The following MMD2 variants were observed in gnomAD, a reference collection of about 807,000 sequenced individuals.
MMD2 encodes the protein monocyte to macrophage differentiation factor 2.
A neutral mutation model predicts 33.5 loss-of-function variants in MMD2; 30 were observed. The ratio of observed to expected loss-of-function variants is 0.90; its 90% confidence interval spans 0.67 to 1.22. MMD2 has a LOEUF of 1.22. Among genes scored for constraint, MMD2 ranks in the 50% most tolerant of loss-of-function variants. The pLI is 0.00. For missense variants in MMD2, 364 were observed against 325.4 expected, an observed-to-expected ratio of 1.12 and a Z score of -0.91; for synonymous variants, 129 against 123.0, an observed-to-expected ratio of 1.05 and a Z score of -0.32.
At chr7:4,905,501 G>T (rs950116332), downstream of MMD2, among the ~76,000 whole-genome samples, 1 of 151,708 alleles carries the variant, frequency 6.6e-6, no homozygotes, top group African/African-American at 2.4e-5. This position sits in a 1 kb window ranked among gnomAD's most constrained non-coding sequence, Gnocchi z 5.0. Context: ...AGAGGAGGAG[G>T]AAAGAAGGAA....
chr7:4,947,584 G>A (rs574424313), intron 1 of MMD2, among the ~76,000 whole-genome samples: 209 of 150,888 alleles, frequency 1.4e-3, no homozygotes, highest in African/African-American at 4.9e-3. Context: ...TAGTAGAGAC[G>A]GGGTTTCACC....
At chr7:4,918,439 A>T (rs1195177022) in intron 3 of MMD2, among the ~76,000 whole-genome samples, 1 of 151,384 alleles carries the variant, frequency 6.6e-6, no homozygotes, top group East Asian at 1.9e-4. Flanking sequence ...CTGCTATGCA[A>T]CCTTGAGCAA....
chr7:4,933,519 G>C (rs946711894), intron 1 of MMD2, among the ~76,000 whole-genome samples: 1 of 152,090 alleles, frequency 6.6e-6, no homozygotes, highest in Non-Finnish European at 1.5e-5. Context: ...TGTTGGGCAG[G>C]GAGCATCTGA....
intron 4 of MMD2, among the ~76,000 whole-genome samples, chr7:4,911,460 C>T (rs940154842): frequency 7.2e-5 from 11 of 152,070 alleles, no homozygotes; most frequent in African/African-American, 2.4e-4. Context: ...GGAAAATTAG[C>T]AAAATTGATA....
chr7:4,944,760 C>CTTTTTTTTTTTTTTTTTTTTTTT (rs142716643), intron 1 of MMD2, among the ~76,000 whole-genome samples: 1 of 75,276 alleles, frequency 1.3e-5, no homozygotes, highest in African/African-American at 5.8e-5. Context: ...TCTTCTTCTT[C>CTTTTTTTTTTTTTTTTTTTTTTT]TTTTTTTTTT....
At chr7:4,910,401 C>G (rs1231422612) in intron 5 of MMD2, among the ~76,000 whole-genome samples, 1 of 152,116 alleles carries the variant, frequency 6.6e-6, no homozygotes, top group Non-Finnish European at 1.5e-5. Flanking sequence ...TTCCTGGGCT[C>G]TGAGACTGCA....
intron 2 of MMD2, among the ~76,000 whole-genome samples, chr7:4,923,981 A>T (rs1785353841): frequency 6.6e-6 from 1 of 152,158 alleles, no homozygotes; most frequent in Admixed American, 6.6e-5. Context: ...TCACGAGGTC[A>T]GGAGATCGAG....
intron 2 of MMD2, among the ~76,000 whole-genome samples, chr7:4,922,350 C>A (rs6962536): frequency 0.49 from 74,807 of 151,664 alleles, 18,643 homozygotes; most frequent in East Asian, 0.67. Flanking sequence ...CAGGTAGATC[C>A]CTTGAGGCCA....
chr7:4,942,292 G>C (rs1267736670), intron 1 of MMD2, among the ~76,000 whole-genome samples: 1 of 151,052 alleles, frequency 6.6e-6, no homozygotes, highest in Non-Finnish European at 1.5e-5. Flanking sequence ...GATGGGGGGG[G>C]TCTTGCCATG....
chr7:4,912,983 C>T lies in MMD2; in HGVS notation c.366-1737G>A, dbSNP rs538901311. Among the ~76,000 whole-genome samples the T allele has an allele frequency of 2.2e-4, 34 of 152,278 alleles. No homozygotes were observed. The East Asian group carries it at 6.0e-3, about 27-fold the overall frequency. ...CCTGCCAAAGTGCTGGGATTACAGG[C>T]GTGAGCCACGCGCCTGGCCTGGAAT... On this transcript the variant is annotated intron_variant, in intron 4 of 6. Transcript: ENST00000401401.
intron 4 of MMD2, among the ~76,000 whole-genome samples, chr7:4,913,556 A>T (rs1025212939): frequency 1.3e-5 from 2 of 152,006 alleles, no homozygotes; most frequent in African/African-American, 4.8e-5. Flanking sequence ...CATCTCCACT[A>T]AAAATACAAA....
At chr7:4,935,462 A>AT (rs969114772) in intron 1 of MMD2, among the ~76,000 whole-genome samples, 64 of 152,018 alleles carry the variant, frequency 4.2e-4, no homozygotes, top group African/African-American at 1.5e-3. Context: ...TATTATTATT[A>AT]TTTTTTTAGC....
At chr7:4,952,129 C>T (rs369112009) in intron 1 of MMD2, among the ~76,000 whole-genome samples, 14 of 152,212 alleles carry the variant, frequency 9.2e-5, no homozygotes, top group African/African-American at 3.1e-4. Flanking sequence ...ACCATGCTGG[C>T]CCCTTGGGGA....
At chr7:4,930,660 A>G (rs1368481991) in intron 1 of MMD2, among the ~76,000 whole-genome samples, 1 of 151,732 alleles carries the variant, frequency 6.6e-6, no homozygotes. Context: ...AAAAAAGAGG[A>G]AAGAGACAGA....
rs55935353 is a variant in MMD2, at chr7:4,907,229, G to T, written c.*167C>A. On this transcript the variant is annotated 3_prime_UTR_variant, in exon 7 of 7. Transcript: ENST00000401401. ...AGAATGGCTAAATGCTTTCTTTCTCGCTGGGGACTCGAGGGATGATCTGGC... is the reference window on the plus strand; with the variant it reads ...AGAATGGCTAAATGCTTTCTTTCTCTCTGGGGACTCGAGGGATGATCTGGC... 1 of 630,222 alleles carries T rather than the reference G, an allele frequency of 1.6e-6. No homozygotes were observed. Among genetic ancestry groups the T allele is most frequent in the East Asian group, 2.7e-5 (1 of 36,666 alleles). The allele number at this position is 630,222 out of a possible 1,614,324, so 39.0% of individuals were successfully genotyped here. A position where few individuals can be genotyped will look rare whatever the true frequency, so the allele number is the denominator to read the frequency against.
At chr7:4,930,412 G>GACAA (rs1785548969) in intron 1 of MMD2, among the ~76,000 whole-genome samples, 2 of 151,942 alleles carry the variant, frequency 1.3e-5, no homozygotes, top group African/African-American at 4.8e-5. Flanking sequence ...AGCGGAGGTG[G>GACAA]GTGGATCATC....
intron 2 of MMD2, among the ~76,000 whole-genome samples, chr7:4,923,471 G>A (rs544965505): frequency 2.0e-5 from 3 of 152,232 alleles, no homozygotes; most frequent in Admixed American, 2.0e-4. Context: ...CCTACATTGT[G>A]CCAACATGGT....
intron 1 of MMD2, among the ~76,000 whole-genome samples, chr7:4,926,739 TTTTTTTC>T (rs1033009330): frequency 3.9e-5 from 6 of 151,934 alleles, no homozygotes; most frequent in Non-Finnish European, 1.5e-5. Flanking sequence ...GGTAGTTTTC[TTTTTTTC>T]TTTTTTCTTT....
At chr7:4,910,054 A>G (rs374971116) in intron 5 of MMD2, 104 bp from the exon 6 acceptor site, 3 of 1,610,584 alleles carry the variant, frequency 1.9e-6, no homozygotes, top group African/African-American at 2.7e-5. Context: ...TGGCCAGAAC[A>G]GTGAGAAGAA....
Sources: gnomAD v4.1 joint callset for allele counts (sites outside exome capture counted in the v4.1 genomes callset) on GRCh38, gnomAD v4.1.1 for gene constraint, Gnocchi (gnomAD v3.1) non-coding constraint, MANE v1.5 for transcripts, NCBI Gene and HGNC (gene_info 2026-07-23, HGNC 2026-07-21) for gene names.